The following TAFA1 variants were observed in gnomAD, a reference collection of about 807,000 sequenced individuals.
TAFA1 encodes chemokine-like protein TAFA-1.
In TAFA1, 4 loss-of-function variants were observed where a neutral mutation model predicts 18.5. The observed-to-expected ratio is 0.22, with a 90% confidence interval of 0.11 to 0.49. The LOEUF (loss-of-function observed/expected upper bound fraction) is 0.49, where lower values mean the gene tolerates loss of function less well. Among genes scored for constraint, TAFA1 ranks in the 20% least tolerant of loss-of-function variants. TAFA1 has a pLI of 0.98. For missense variants in TAFA1, 147 were observed against 169.0 expected (o/e 0.87, Z 0.72); for synonymous variants, 56 against 55.2 (o/e 1.01, Z -0.06).
intron 2 of TAFA1, among the ~76,000 whole-genome samples, chr3:68,050,442 G>C (rs762361123): frequency 1.3e-5 from 2 of 151,936 alleles, no homozygotes; most frequent in Non-Finnish European, 2.9e-5. Flanking sequence ...GAGGGGATTT[G>C]GCTGGGGATT....
intron 3 of TAFA1, among the ~76,000 whole-genome samples, chr3:68,517,958 TC>T (rs1321779182): frequency 1.3e-5 from 2 of 150,880 alleles, no homozygotes; most frequent in African/African-American, 4.9e-5. Flanking sequence ...TCACACACAC[TC>T]GCACACTTTT....
chr3:68,509,466 A>T (rs1034820438), intron 3 of TAFA1, among the ~76,000 whole-genome samples: 1 of 152,150 alleles, frequency 6.6e-6, no homozygotes, highest in East Asian at 1.9e-4. Flanking sequence ...GGCCATTATC[A>T]AGACAAAACT....
intron 2 of TAFA1, among the ~76,000 whole-genome samples, chr3:68,196,167 C>T (rs1221057311): frequency 6.6e-6 from 1 of 151,734 alleles, no homozygotes; most frequent in Non-Finnish European, 1.5e-5. Context: ...TGTGTATAAG[C>T]AGCTCCCATC....
chr3:68,386,609 T>TCCTTC (rs766304755), intron 2 of TAFA1, among the ~76,000 whole-genome samples: 24 of 152,184 alleles, frequency 1.6e-4, no homozygotes, highest in Non-Finnish European at 2.4e-4. Context: ...TTGACAACTA[T>TCCTTC]CCTTCCCTTC....
At chr3:68,434,663 G>T (rs2071238899) in intron 3 of TAFA1, among the ~76,000 whole-genome samples, 1 of 152,110 alleles carries the variant, frequency 6.6e-6, no homozygotes, top group South Asian at 2.1e-4. Flanking sequence ...ACCAAAGGTA[G>T]AATTACTCAA....
intron 2 of TAFA1, among the ~76,000 whole-genome samples, chr3:68,414,325 AAAAC>A (rs2070772349): frequency 6.6e-6 from 1 of 152,052 alleles, no homozygotes; most frequent in Non-Finnish European, 1.5e-5. Context: ...ACAAACAAAC[AAAAC>A]AAATAAGGTC....
At chr3:68,459,494 A>G (rs1297623078) in intron 3 of TAFA1, among the ~76,000 whole-genome samples, 1 of 56,938 alleles carries the variant, frequency 1.8e-5, no homozygotes, top group Non-Finnish European at 3.2e-5. Context: ...TTAACGCACT[A>G]GAAGAATAAG....
rs541456803 is a variant in TAFA1, at chr3:68,219,909, G to C, written c.119-197371G>C. On this transcript the variant is annotated intron_variant, in intron 2 of 4. Transcript: ENST00000478136. ...ACTGGTTATATGTTTGCAGATTATAGTTAGTTGCCAGAAAAAAATAGGAGA... is the reference window on the plus strand; with the variant it reads ...ACTGGTTATATGTTTGCAGATTATACTTAGTTGCCAGAAAAAAATAGGAGA... Among the ~76,000 whole-genome samples, 6 of 152,250 alleles carry C rather than the reference G, an allele frequency of 3.9e-5. No individual in the cohort carries two copies. The East Asian group carries it at 1.2e-3, about 29-fold the overall frequency.
chr3:68,065,658 T>C (rs2064664907), intron 2 of TAFA1, among the ~76,000 whole-genome samples: 1 of 151,862 alleles, frequency 6.6e-6, no homozygotes, highest in African/African-American at 2.4e-5. Flanking sequence ...TTTGTATATG[T>C]GTGTATATAT....
rs1337752872 is a variant in TAFA1 at position 68,284,013 on chromosome 3, T to A, written c.119-133267T>A. Reference sequence around the variant, plus strand: ...AATGGAGAATGCCTGTTGCTCCTTATGATGTTATCTGCAGCTGACCAGGTT... The same window carrying A: ...AATGGAGAATGCCTGTTGCTCCTTAAGATGTTATCTGCAGCTGACCAGGTT... On this transcript the variant is annotated intron_variant, in intron 2 of 4. Transcript: ENST00000478136. Among the ~76,000 whole-genome samples, 3 of 152,226 alleles carry A rather than the reference T, an allele frequency of 2.0e-5. No individual in the cohort carries two copies. The East Asian group carries it at 5.8e-4, about 29-fold the overall frequency.
chr3:68,236,007 G>C (rs751115214), intron 2 of TAFA1, among the ~76,000 whole-genome samples: 15 of 152,050 alleles, frequency 9.9e-5, no homozygotes, highest in Non-Finnish European at 2.1e-4. Context: ...GCTGATTTGA[G>C]TTAGCTTTTG....
In TAFA1 at chr3:68,255,815, T is replaced by G. The variant is rs187926164; in HGVS notation, c.119-161465T>G. 2.2e-3 allele frequency among the ~76,000 whole-genome samples: 340 copies of G among 152,198 alleles called. 5 individuals carry two copies. Among genetic ancestry groups the G allele is most frequent in the Non-Finnish European group, 4.6e-4 (31 of 67,986 alleles). ...TGGTTGGAGATGGGCTAATAGGAAG[T>G]GGAAAACTAGTCCATTTCTCTGGCT... On this transcript the variant is annotated intron_variant, in intron 2 of 4. Transcript: ENST00000478136.
chr3:68,491,754 A>G (rs976292870), intron 3 of TAFA1, among the ~76,000 whole-genome samples: 1 of 152,162 alleles, frequency 6.6e-6, no homozygotes, highest in African/African-American at 2.4e-5. Flanking sequence ...GATAACCACT[A>G]CTCTGGAATA....
intron 3 of TAFA1, among the ~76,000 whole-genome samples, chr3:68,464,204 C>T (rs940049607): frequency 2.0e-5 from 3 of 152,092 alleles, no homozygotes; most frequent in Non-Finnish European, 2.9e-5. Flanking sequence ...GCTTTGTAGA[C>T]AAAGAAAACA....
At chr3:68,035,850 A>G (rs745514541) in intron 2 of TAFA1, among the ~76,000 whole-genome samples, 11 of 152,252 alleles carry the variant, frequency 7.2e-5, no homozygotes, top group Non-Finnish European at 1.2e-4. Context: ...AAAATGGAAC[A>G]AACTACAGAA....
At chr3:68,475,468 G>A (rs1360421731) in intron 3 of TAFA1, among the ~76,000 whole-genome samples, 1 of 152,044 alleles carries the variant, frequency 6.6e-6, no homozygotes, top group African/African-American at 2.4e-5. Context: ...CTTCATCTGT[G>A]TCCCTACAAA....
the TAFA1 span, among the ~76,000 whole-genome samples, chr3:67,994,502 A>G: frequency 6.6e-6 from 1 of 152,226 alleles, no homozygotes; most frequent in African/African-American, 2.4e-5. Flanking sequence ...TTTTGATTCC[A>G]AGTAACAACA....
chr3:68,463,762 T>A (rs1443220543), intron 3 of TAFA1, among the ~76,000 whole-genome samples: 1 of 152,178 alleles, frequency 6.6e-6, no homozygotes, highest in Non-Finnish European at 1.5e-5. Flanking sequence ...TTTTTATAAA[T>A]TTGGAAGGAG....
chr3:68,542,373 C>G (rs746091586), intron 4 of TAFA1, among the ~76,000 whole-genome samples: 1 of 152,004 alleles, frequency 6.6e-6, no homozygotes, highest in East Asian at 1.9e-4. Flanking sequence ...ACTAACCAAC[C>G]AAAATATTGA....
Sources: gnomAD v4.1 joint callset for allele counts (sites outside exome capture counted in the v4.1 genomes callset) on GRCh38, gnomAD v4.1.1 for gene constraint, MANE v1.5 for transcripts, NCBI Gene and HGNC (gene_info 2026-07-23, HGNC 2026-07-21) for gene names.